Variants in PCSK5 observed in about 807,000 individuals in gnomAD.
The protein encoded by PCSK5 is proprotein convertase subtilisin/kexin type 5.
PCSK5 carries 129 observed loss-of-function variants against 233.2 expected under a neutral mutation model. The observed-to-expected ratio is 0.55, with a 90% CI of 0.48 to 0.64. PCSK5 has a LOEUF of 0.64. PCSK5 is among the 30% of genes least tolerant of loss of function. PCSK5 has a pLI of 0.00. For synonymous variants in PCSK5, 825 were observed against 879.2 expected (o/e 0.94, Z 1.09); for missense variants, 2,076 against 2,430.1 (o/e 0.85, Z 3.06).
At chr9:76,336,470 C>T (rs75140630) in intron 34 of PCSK5, among the ~76,000 whole-genome samples, 1,560 of 152,234 alleles carry the variant, frequency 0.01, 26 homozygotes, top group African/African-American at 0.034. Context: ...TTTTGTTACC[C>T]TCTTTTATCT....
intron 20 of PCSK5, among the ~76,000 whole-genome samples, chr9:76,219,338 C>G (rs1412790470): frequency 1.3e-5 from 2 of 152,152 alleles, no homozygotes; most frequent in Admixed American, 1.3e-4. Flanking sequence ...GAAAGCCACA[C>G]TGCAGCGGTA....
At chr9:76,053,238 G>A (rs1829698228) in intron 5 of PCSK5, among the ~76,000 whole-genome samples, 1 of 152,164 alleles carries the variant, frequency 6.6e-6, no homozygotes, top group South Asian at 2.1e-4. Context: ...TTTTGGGGGG[G>A]CTCCCACCCC....
chr9:76,331,310 A>G (rs1053907087), intron 33 of PCSK5, among the ~76,000 whole-genome samples: 4 of 152,096 alleles, frequency 2.6e-5, no homozygotes, highest in Non-Finnish European at 5.9e-5. Context: ...GGATCTCGGC[A>G]TAGAGAGATT....
intron 12 of PCSK5, among the ~76,000 whole-genome samples, chr9:76,162,387 T>C (rs1822900896): frequency 6.6e-6 from 1 of 152,180 alleles, no homozygotes. Context: ...GGAGGCCTCA[T>C]GCCCTCTCAC....
intron 20 of PCSK5, among the ~76,000 whole-genome samples, chr9:76,213,181 A>G (rs953476233): frequency 1.3e-5 from 2 of 152,210 alleles, no homozygotes; most frequent in African/African-American, 4.8e-5. Context: ...TTATTCCCAT[A>G]AATATCATTC....
intron 5 of PCSK5, among the ~76,000 whole-genome samples, chr9:76,054,633 T>C (rs1400975707): frequency 2.6e-5 from 4 of 152,236 alleles, no homozygotes; most frequent in African/African-American, 9.6e-5. Flanking sequence ...TACCTGACGA[T>C]TCTTCAAACC....
At position 76,188,544 on chromosome 9, in the gene PCSK5, A is replaced by C. The variant is rs759815766; in HGVS notation, c.2283-34A>C. 6 of 1,429,358 alleles carry C rather than the reference A, an allele frequency of 4.2e-6. No homozygotes were observed. The South Asian group carries it at 6.9e-5, about 16-fold the overall frequency. 88.5% of individuals were successfully genotyped at this position (1,429,358 alleles called of 1,614,324 possible). On this transcript the variant is annotated intron_variant, in intron 17 of 37. Transcript: ENST00000674117. ...CATTACGTTTTGGCCTCATCACAAC[A>C]GTCTGTTTGAAGCTCCCTTTATACT...
At position 76,109,067 on chromosome 9, in the gene PCSK5, T is replaced by C. The variant is rs1832098253; in HGVS notation, c.1208+1716T>C. Among the ~76,000 whole-genome samples, 4 of 152,204 alleles carry C rather than the reference T, an allele frequency of 2.6e-5. No individual in the cohort carries two copies. The South Asian group carries it at 8.3e-4, about 31-fold the overall frequency. ...GAAGTCATTTTCAACAAATTACATC[T>C]TTTAAGGTGTTAAAAGTTTGGGTTT... On this transcript the variant is annotated intron_variant, in intron 9 of 37. Coordinates refer to ENST00000674117, the MANE Select transcript of PCSK5 (RefSeq NM_001372043.1).
chr9:76,314,065 A>G (rs1828946188), intron 30 of PCSK5, among the ~76,000 whole-genome samples: 1 of 152,004 alleles, frequency 6.6e-6, no homozygotes, highest in Non-Finnish European at 1.5e-5. Context: ...ACCTTTTTCA[A>G]CTCTCTCTTG....
chr9:76,271,299 C>T (rs1256999414), intron 24 of PCSK5, among the ~76,000 whole-genome samples: 1 of 152,288 alleles, frequency 6.6e-6, no homozygotes, highest in Non-Finnish European at 1.5e-5. Context: ...CTGCGAACTT[C>T]CTAACCACTC....
At chr9:76,348,281 C>T (rs1830030929) in intron 35 of PCSK5, among the ~76,000 whole-genome samples, 2 of 152,116 alleles carry the variant, frequency 1.3e-5, no homozygotes, top group Non-Finnish European at 2.9e-5. Flanking sequence ...TGTGGTGGTG[C>T]ACACCTGTAG....
At chr9:76,010,805 G>A (rs1473601008) in intron 3 of PCSK5, among the ~76,000 whole-genome samples, 2 of 152,206 alleles carry the variant, frequency 1.3e-5, no homozygotes, top group Non-Finnish European at 2.9e-5. Context: ...GTGGGCTGCT[G>A]AATGTGGCTG....
rs918835277 is a variant in PCSK5, at chr9:76,220,629, T to TA, written c.2627-6862dup. ...TCTTACAACCAGCTGTTTAGAAACT[T>TA]AAAAAAAAAAAATTGACACATAAAA... On this transcript the variant is annotated intron_variant, in intron 20 of 37. Transcript: ENST00000674117. 9.4e-3 allele frequency among the ~76,000 whole-genome samples: 1,363 copies of TA among 145,518 alleles called. 13 individuals carry two copies. The highest frequency in any genetic ancestry group is 0.03 in the African/African-American group (1,185 of 39,864).
intron 10 of PCSK5, among the ~76,000 whole-genome samples, chr9:76,138,615 G>A (rs925839811): frequency 6.6e-6 from 1 of 152,130 alleles, no homozygotes; most frequent in African/African-American, 2.4e-5. Context: ...CTTATCTTTG[G>A]TTTGGGTGTG....
intron 3 of PCSK5, among the ~76,000 whole-genome samples, chr9:75,989,789 A>G (rs1023322749): frequency 4.6e-5 from 7 of 152,184 alleles, no homozygotes; most frequent in African/African-American, 1.7e-4. Context: ...CTTTTATGAC[A>G]TCTAACCTCA....
At chr9:76,253,055 T>G (rs1826862845) in intron 24 of PCSK5, among the ~76,000 whole-genome samples, 1 of 152,190 alleles carries the variant, frequency 6.6e-6, no homozygotes, top group South Asian at 2.1e-4. Flanking sequence ...TACCAGCAGT[T>G]TGTCTCCTTT....
intron 1 of PCSK5, among the ~76,000 whole-genome samples, chr9:75,924,412 C>G (rs1430839029): frequency 1.3e-5 from 2 of 152,164 alleles, no homozygotes; most frequent in Non-Finnish European, 2.9e-5. Context: ...GATGCAATAG[C>G]ATTTACGAAT....
At chr9:76,069,720 A>T (rs1222815234) in intron 6 of PCSK5, among the ~76,000 whole-genome samples, 1 of 152,060 alleles carries the variant, frequency 6.6e-6, no homozygotes. Context: ...GTTATGTCCT[A>T]CTCTCCTGTT....
intron 3 of PCSK5, among the ~76,000 whole-genome samples, chr9:76,014,933 T>TTA (rs1023884234): frequency 1.4e-4 from 21 of 152,164 alleles, no homozygotes; most frequent in Middle Eastern, 3.4e-3. Context: ...ATTATCTGTA[T>TTA]TATATATATA....
Sources: gnomAD v4.1 joint callset for allele counts (sites outside exome capture counted in the v4.1 genomes callset) on GRCh38, gnomAD v4.1.1 for gene constraint, MANE v1.5 for transcripts, NCBI Gene and HGNC (gene_info 2026-07-23, HGNC 2026-07-21) for gene names.